SHISA6: variants seen among roughly 807,000 people sequenced by gnomAD.
SHISA6 encodes the protein shisa family member 6.
In SHISA6, 22 loss-of-function variants were observed where a neutral mutation model predicts 47.9. The ratio of observed to expected loss-of-function variants is 0.46; its 90% confidence interval spans 0.33 to 0.66. SHISA6 has a LOEUF of 0.66. Among genes scored for constraint, SHISA6 ranks in the 30% least tolerant of loss-of-function variants. SHISA6 has a pLI of 0.02. For synonymous variants in SHISA6, 388 were observed against 337.8 expected (o/e 1.15, Z -1.63); for missense variants, 680 against 764.6 (o/e 0.89, Z 1.30).
At chr17:11,283,302 G>A (rs72824613) in intron 2 of SHISA6, among the ~76,000 whole-genome samples, 8,306 of 152,248 alleles carry the variant, frequency 0.055, 428 homozygotes, top group African/African-American at 0.13. Context: ...AGAAGTAATT[G>A]TTTCCATTTA....
rs983418378 is a variant in SHISA6 at position 11,451,464 on chromosome 17, C to T, written c.895+71955C>T. Among the ~76,000 whole-genome samples the T allele has an allele frequency of 1.1e-4, 17 of 151,928 alleles. No individual in the cohort carries two copies. In the Middle Eastern group the frequency reaches 0.01, roughly 91 times the overall value. ...CAAGGGGGTTACATTTAGTTGGGGGCGACAGAAAATAGTCAAGTAATTAAG... is the reference window on the plus strand; with the variant it reads ...CAAGGGGGTTACATTTAGTTGGGGGTGACAGAAAATAGTCAAGTAATTAAG... On this transcript the variant is annotated intron_variant, in intron 3 of 5. Coordinates refer to ENST00000441885, the MANE Select transcript of SHISA6 (RefSeq NM_207386.4).
intron 3 of SHISA6, among the ~76,000 whole-genome samples, chr17:11,473,664 T>C (rs753320314): frequency 1.3e-5 from 2 of 152,190 alleles, no homozygotes; most frequent in Non-Finnish European, 1.5e-5. Flanking sequence ...AATGGAAGCA[T>C]TTGGTGTTAT....
chr17:11,462,066 A>G (rs2142314311), intron 3 of SHISA6, among the ~76,000 whole-genome samples: 1 of 152,332 alleles, frequency 6.6e-6, no homozygotes. Flanking sequence ...AGGCAAAGCC[A>G]TATAAGAGGG....
Position 11,347,737 on chromosome 17 carries a change from A to G in SHISA6, c.800-31677A>G, listed in dbSNP as rs1011948951. Among the ~76,000 whole-genome samples the G allele has an allele frequency of 1.1e-4, 16 of 152,282 alleles. 1 individual carries two copies. Among genetic ancestry groups the G allele is most frequent in the Admixed American group, 8.5e-4 (13 of 15,296 alleles). ...CACATGAGAGACCCAGAACCTACCT[A>G]CGAACAAGGAAGTGTCAGAGAAGGA... On this transcript the variant is annotated intron_variant, in intron 2 of 5. Transcript: ENST00000441885.
chr17:11,368,578 A>G (rs952147985), intron 2 of SHISA6, among the ~76,000 whole-genome samples: 2 of 152,168 alleles, frequency 1.3e-5, no homozygotes, highest in African/African-American at 4.8e-5. Flanking sequence ...AATGATAGTA[A>G]CTATTTATCA....
rs924514355 is a variant in SHISA6 at position 11,558,518 on chromosome 17, G to T, written c.*214G>T. The T allele has an allele frequency of 8.4e-6, 5 of 597,726 alleles. No homozygotes were observed. Among genetic ancestry groups the T allele is most frequent in the Non-Finnish European group, 8.9e-6 (3 of 338,584 alleles). 37.0% of individuals were successfully genotyped at this position (597,726 alleles called of 1,614,324 possible). A position where few individuals can be genotyped will look rare whatever the true frequency, so the allele number is the denominator to read the frequency against. ...CTTAGACCCAGGACCAAGAGCAATC[G>T]CTCTTGCTCCTCCAGAAGAATCAGT... On this transcript the variant is annotated 3_prime_UTR_variant, in exon 6 of 6. Transcript: ENST00000441885.
intron 3 of SHISA6, among the ~76,000 whole-genome samples, chr17:11,445,916 C>T (rs933362684): frequency 2.6e-5 from 4 of 152,210 alleles, no homozygotes; most frequent in Non-Finnish European, 5.9e-5. Context: ...CAACCTCTGC[C>T]TCCTGGGTTC....
intron 3 of SHISA6, among the ~76,000 whole-genome samples, chr17:11,425,281 T>G (rs1914580320): frequency 6.6e-6 from 1 of 151,334 alleles, no homozygotes; most frequent in Admixed American, 6.6e-5. Context: ...TTGTAGAAAA[T>G]GAGAGCCCAT....
intron 2 of SHISA6, among the ~76,000 whole-genome samples, chr17:11,299,767 G>T (rs1454200896): frequency 6.6e-6 from 1 of 151,998 alleles, no homozygotes; most frequent in African/African-American, 2.4e-5. Context: ...ATCCCGTGTG[G>T]GCCTACCCAC....
chr17:11,526,110 A>ACCCCC (rs11393269), intron 3 of SHISA6, among the ~76,000 whole-genome samples: 9 of 146,862 alleles, frequency 6.1e-5, no homozygotes, highest in African/African-American at 1.8e-4. Flanking sequence ...TACCAAGGGG[A>ACCCCC]CCCCCCCCCG....
chr17:11,266,271 G>A, intron 2 of SHISA6, among the ~76,000 whole-genome samples: 1 of 152,142 alleles, frequency 6.6e-6, no homozygotes, highest in East Asian at 1.9e-4. Flanking sequence ...GAGATATCCA[G>A]CAACACCAAC....
intron 3 of SHISA6, among the ~76,000 whole-genome samples, chr17:11,474,724 C>T (rs546588813): frequency 6.6e-6 from 1 of 152,320 alleles, no homozygotes; most frequent in Admixed American, 6.5e-5. Flanking sequence ...TAATACCACA[C>T]TGGCTTAATT....
At chr17:11,390,932 G>A (rs1464234391) in intron 3 of SHISA6, among the ~76,000 whole-genome samples, 1 of 152,194 alleles carries the variant, frequency 6.6e-6, no homozygotes, top group African/African-American at 2.4e-5. Context: ...CGAGTAAATG[G>A]GAAGTGCCAT....
rs537925975 is a variant in SHISA6, at chr17:11,414,826, G to A, written c.895+35317G>A. ...AAACAGGCCGGGTGTGGTGGCTCAC[G>A]CCTGTAATCCCAGCACTTTGGGAGG... On this transcript the variant is annotated intron_variant, in intron 3 of 5. Coordinates refer to ENST00000441885, the MANE Select transcript of SHISA6 (RefSeq NM_207386.4). Among the ~76,000 whole-genome samples, 138 of 152,300 alleles carry A rather than the reference G, an allele frequency of 9.1e-4. 1 individual carries two copies. Among genetic ancestry groups the A allele is most frequent in the African/African-American group, 3.2e-3 (133 of 41,568 alleles).
At chr17:11,428,548 T>C (rs1914662178) in intron 3 of SHISA6, among the ~76,000 whole-genome samples, 1 of 152,238 alleles carries the variant, frequency 6.6e-6, no homozygotes, top group Non-Finnish European at 1.5e-5. Flanking sequence ...CTAAGCAGAA[T>C]GCTTGGCATT....
At chr17:11,439,513 C>T (rs555492259) in intron 3 of SHISA6, among the ~76,000 whole-genome samples, 90 of 152,194 alleles carry the variant, frequency 5.9e-4, no homozygotes, top group South Asian at 1.5e-3. Context: ...AAATGGGTAG[C>T]GTGGAGTCCA....
rs1027602841 is a variant in SHISA6, at chr17:11,250,730, G to T, written c.638+8670G>T. On this transcript the variant is annotated intron_variant, in intron 1 of 5. Transcript: ENST00000441885. ...GCATTCTGGAGGAGTCAGTCTTGCT[G>T]TGAGCCTGGGGAGTCCCTCTTAACT... Among the ~76,000 whole-genome samples the T allele has an allele frequency of 2.6e-5, 4 of 152,180 alleles. No homozygotes were observed. The South Asian group carries it at 8.3e-4, about 32-fold the overall frequency.
chr17:11,439,322 T>C (rs1202554286), intron 3 of SHISA6, among the ~76,000 whole-genome samples: 1 of 152,138 alleles, frequency 6.6e-6, no homozygotes, highest in Non-Finnish European at 1.5e-5. Flanking sequence ...TAGAATAACG[T>C]ACATCTACGG....
chr17:11,253,670 G>C (rs1907901538), intron 1 of SHISA6, among the ~76,000 whole-genome samples: 1 of 152,140 alleles, frequency 6.6e-6, no homozygotes, highest in Non-Finnish European at 1.5e-5. Flanking sequence ...ACTGGAAGCT[G>C]CTTCAAATCT....
Sources: allele counts gnomAD v4.1 joint callset (sites outside exome capture counted in the v4.1 genomes callset), GRCh38; gene constraint gnomAD v4.1.1; transcripts MANE v1.5; gene names NCBI Gene and HGNC (gene_info 2026-07-23, HGNC 2026-07-21).